The following CPD variants were observed in gnomAD, a reference collection of about 807,000 sequenced individuals.
CPD encodes carboxypeptidase D.
In CPD, 69 loss-of-function variants were observed where a neutral mutation model predicts 138.3. The observed-to-expected ratio is 0.50, with a 90% CI of 0.41 to 0.61. The LOEUF (loss-of-function observed/expected upper bound fraction) is 0.61. Among genes scored for constraint, CPD ranks in the 20% least tolerant of loss-of-function variants. The probability of loss-of-function intolerance (pLI) is 0.00; values close to 1 mark genes in which losing one functional copy is unlikely to be tolerated. For synonymous variants in CPD, 651 were observed against 642.1 expected (o/e 1.01, Z -0.21); for missense variants, 1,432 against 1,733.3 (o/e 0.83, Z 3.09).
chr17:30,436,031 T>A (rs932580743), intron 8 of CPD, among the ~76,000 whole-genome samples: 1 of 152,240 alleles, frequency 6.6e-6, no homozygotes, highest in Admixed American at 6.5e-5. Context: ...TTAACTTGAT[T>A]ACCTCTGTAA....
rs1038767165 is a variant in CPD, at chr17:30,465,872, T to C, written c.*1058T>C. The C allele has an allele frequency of 9.8e-5, 15 of 152,646 alleles. No homozygotes were observed. Among genetic ancestry groups the C allele is most frequent in the Non-Finnish European group, 7.3e-5 (5 of 68,028 alleles). 9.5% of individuals were successfully genotyped at this position (152,646 alleles called of 1,614,324 possible). On this transcript the variant is annotated 3_prime_UTR_variant, in exon 21 of 21. Transcript: ENST00000225719. Reference sequence around the variant, plus strand: ...TATACCCTGTAATAGCATACTATTATTGAAATCGCTTGACCGGTCTTGTTC... The same window carrying C: ...TATACCCTGTAATAGCATACTATTACTGAAATCGCTTGACCGGTCTTGTTC...
intron 10 of CPD, 146 bp from the exon 11 acceptor site, chr17:30,443,656 T>G (rs746679816): frequency 2.9e-6 from 2 of 694,934 alleles, no homozygotes; most frequent in Non-Finnish European, 4.5e-6. Flanking sequence ...TTAATGAACA[T>G]TTACATTGAA....
chr17:30,410,934 T>C (rs1244279999), intron 2 of CPD, among the ~76,000 whole-genome samples: 1 of 130,204 alleles, frequency 7.7e-6, no homozygotes. Flanking sequence ...CGTTAATTGA[T>C]GTAGTTTCTT....
In CPD at chr17:30,379,976, C is replaced by A. The variant is rs1910998252; in HGVS notation, c.746+250C>A. On this transcript the variant is annotated intron_variant, in intron 1 of 20. Coordinates refer to ENST00000225719, the MANE Select transcript of CPD (RefSeq NM_001304.5). This position sits in a 1 kb window ranked among gnomAD's most constrained non-coding sequence, Gnocchi z 7.0. ...GAGGGGACACTCCTTTCTGACATTTCTGGTCCCTATTCTTACAGGGGCATA... is the reference window on the plus strand; with the variant it reads ...GAGGGGACACTCCTTTCTGACATTTATGGTCCCTATTCTTACAGGGGCATA... 6.6e-6 allele frequency among the ~76,000 whole-genome samples: 1 copy of A among 152,230 alleles called. No individual in the cohort carries two copies. The highest frequency in any genetic ancestry group is 1.5e-5 in the Non-Finnish European group (1 of 68,036).
intron 1 of CPD, among the ~76,000 whole-genome samples, chr17:30,384,069 C>T (rs997209193): frequency 2.0e-5 from 3 of 152,104 alleles, no homozygotes; most frequent in Non-Finnish European, 2.9e-5. Context: ...CAGGAGCAGC[C>T]TTGCCTCCAT....
chr17:30,468,518 T>A lies in CPD; in HGVS notation c.*3704T>A, dbSNP rs1913704117. The A allele has an allele frequency of 6.6e-6, 1 of 152,636 alleles. No individual in the cohort carries two copies. Among genetic ancestry groups the A allele is most frequent in the Non-Finnish European group, 1.5e-5 (1 of 68,018 alleles). 9.5% of individuals were successfully genotyped at this position (152,636 alleles called of 1,614,324 possible). The stretch of plus-strand genomic sequence containing the variant: ...TCAGTCTTTGGTTTATTTCATGCAC[T>A]GTGCCTTCAAAATGAAATTTTTAAA... On this transcript the variant is annotated 3_prime_UTR_variant, in exon 21 of 21. Transcript: ENST00000225719.
chr17:30,381,340 G>T (rs1402946479), intron 1 of CPD, among the ~76,000 whole-genome samples: 1 of 152,018 alleles, frequency 6.6e-6, no homozygotes, highest in Non-Finnish European at 1.5e-5. Context: ...TGTGATCCTT[G>T]CAGGGATGTA....
chr17:30,410,835 T>C (rs1464830870), intron 2 of CPD, among the ~76,000 whole-genome samples: 1 of 152,250 alleles, frequency 6.6e-6, no homozygotes. Context: ...TGTCTTTTAA[T>C]TGGAGCATTT....
chr17:30,385,605 CA>C (rs1911164798), intron 2 of CPD, among the ~76,000 whole-genome samples: 1 of 152,030 alleles, frequency 6.6e-6, no homozygotes, highest in African/African-American at 2.4e-5. Flanking sequence ...ATAAGTTCCT[CA>C]GCATGTATTT....
intron 5 of CPD, 35 bp from the exon 6 acceptor site, chr17:30,423,471 A>G: frequency 7.1e-7 from 1 of 1,417,828 alleles, no homozygotes. Flanking sequence ...ATTAAGAAGG[A>G]AAAAAAGCCT....
chr17:30,466,850 A>C lies in CPD; in HGVS notation c.*2036A>C, dbSNP rs1255697901. 2 of 152,304 alleles carry C rather than the reference A, an allele frequency of 1.3e-5. No individual in the cohort carries two copies. The highest frequency in any genetic ancestry group is 2.9e-5 in the Non-Finnish European group (2 of 68,008). The allele number at this position is 152,304 out of a possible 1,614,324, so 9.4% of individuals were successfully genotyped here. On this transcript the variant is annotated 3_prime_UTR_variant, in exon 21 of 21. Coordinates refer to ENST00000225719, the MANE Select transcript of CPD (RefSeq NM_001304.5). ...TCAGTGGCTGGAGGCCATGCCTTTT[A>C]AGCATGTGTAAAATTTTTAAAGAAA... is the stretch of plus-strand genomic sequence containing the variant.
At position 30,449,830 on chromosome 17, in the gene CPD, A is replaced by T. The variant is rs537594982; in HGVS notation, c.3069+82A>T. Reference sequence around the variant, plus strand: ...CAGGGCACCATTTTTAAAATTTTTAATTTCTTGCTAGATTTTACAGAGTCA... The same window carrying T: ...CAGGGCACCATTTTTAAAATTTTTATTTTCTTGCTAGATTTTACAGAGTCA... On this transcript the variant is annotated intron_variant, in intron 13 of 20. Coordinates refer to ENST00000225719, the MANE Select transcript of CPD (RefSeq NM_001304.5). 5.6e-6 allele frequency: 7 copies of T among 1,260,034 alleles called. No individual in the cohort carries two copies. The East Asian group carries it at 1.7e-4, about 31-fold the overall frequency. 78.1% of individuals were successfully genotyped at this position (1,260,034 alleles called of 1,614,324 possible). A position where few individuals can be genotyped will look rare whatever the true frequency, so the allele number is the denominator to read the frequency against.
intron 2 of CPD, among the ~76,000 whole-genome samples, chr17:30,415,428 C>A (rs535079093): frequency 6.6e-6 from 1 of 151,886 alleles, no homozygotes; most frequent in African/African-American, 2.4e-5. Flanking sequence ...TATTGTCCAA[C>A]GTGAAACAGA....
At chr17:30,384,224 T>A (rs1911123461) in intron 1 of CPD, among the ~76,000 whole-genome samples, 1 of 152,038 alleles carries the variant, frequency 6.6e-6, no homozygotes. Flanking sequence ...GTTTTCTTTG[T>A]TTGTTTTTTT....
chr17:30,391,286 T>G (rs1911351568), intron 2 of CPD, among the ~76,000 whole-genome samples: 1 of 152,198 alleles, frequency 6.6e-6, no homozygotes, highest in Non-Finnish European at 1.5e-5. Flanking sequence ...AACTGTAGTT[T>G]TAGGTCAACT....
At chr17:30,439,287 A>G (rs189296108) in intron 9 of CPD, among the ~76,000 whole-genome samples, 3 of 151,868 alleles carry the variant, frequency 2.0e-5, no homozygotes, top group Non-Finnish European at 2.9e-5. Context: ...CTAAAACTTG[A>G]TTAAATGGTT....
intron 4 of CPD, 77 bp from the exon 5 acceptor site, chr17:30,422,597 G>A: frequency 1.1e-6 from 1 of 888,648 alleles, no homozygotes; most frequent in Non-Finnish European, 1.7e-6. Flanking sequence ...GGATGAAAAG[G>A]CTACTGTGCT....
At chr17:30,403,709 T>C (rs1911734895) in intron 2 of CPD, among the ~76,000 whole-genome samples, 1 of 152,202 alleles carries the variant, frequency 6.6e-6, no homozygotes, top group African/African-American at 2.4e-5. Flanking sequence ...AATATGAATA[T>C]GGTACAACCA....
chr17:30,433,901 C>G (rs1384777256), intron 8 of CPD, among the ~76,000 whole-genome samples: 1 of 152,164 alleles, frequency 6.6e-6, no homozygotes, highest in African/African-American at 2.4e-5. Flanking sequence ...ATTTCTTGAT[C>G]CCACTGCATT....
Sources: gnomAD v4.1 joint callset for allele counts (sites outside exome capture counted in the v4.1 genomes callset) on GRCh38, gnomAD v4.1.1 for gene constraint, Gnocchi (gnomAD v3.1) non-coding constraint, MANE v1.5 for transcripts, NCBI Gene and HGNC (gene_info 2026-07-23, HGNC 2026-07-21) for gene names.